Variants in FAM168A observed in about 807,000 individuals in gnomAD.
FAM168A encodes protein FAM168A.
FAM168A carries 3 observed loss-of-function variants against 28.5 expected under a neutral mutation model. The ratio of observed to expected loss-of-function variants is 0.11; its 90% CI spans 0.05 to 0.27. The LOEUF is 0.27. Among genes scored for constraint, FAM168A ranks in the 10% least tolerant of loss-of-function variants. The pLI is 1.00. For synonymous variants in FAM168A, 122 were observed against 124.2 expected (o/e 0.98, Z 0.12); for missense variants, 222 against 311.5 (o/e 0.71, Z 2.16).
At chr11:73,465,401 A>G (rs1029603358) in intron 2 of FAM168A, among the ~76,000 whole-genome samples, 1 of 152,122 alleles carries the variant, frequency 6.6e-6, no homozygotes, top group Non-Finnish European at 1.5e-5. Flanking sequence ...CCTGGTCTAT[A>G]AACAGCCCAC....
chr11:73,519,404 T>C (rs1175297375), intron 1 of FAM168A, among the ~76,000 whole-genome samples: 4 of 152,176 alleles, frequency 2.6e-5, no homozygotes, highest in Non-Finnish European at 1.5e-5. Flanking sequence ...AATTATGCAT[T>C]ACTCAGCCAC....
intron 4 of FAM168A, among the ~76,000 whole-genome samples, chr11:73,413,649 A>C (rs1190437847): frequency 6.6e-6 from 1 of 152,242 alleles, no homozygotes; most frequent in Non-Finnish European, 1.5e-5. Flanking sequence ...ATAGATCCCA[A>C]GGGATCTTAA....
Position 73,403,192 on chromosome 11 carries a change from TAAG to T in FAM168A, c.*3568_*3570del, listed in dbSNP as rs377280515. On this transcript the variant is annotated 3_prime_UTR_variant, in exon 8 of 8. Coordinates refer to ENST00000356467, the MANE Select transcript of FAM168A (RefSeq NM_015159.3). Reference sequence around the variant, plus strand: ...TATACATTTTAGGGTCATTGCCAGGTAAGAAAGAACAGCAACTGTCCTATCTCA... The same window carrying T: ...TATACATTTTAGGGTCATTGCCAGGTAAAGAACAGCAACTGTCCTATCTCA... The T allele has an allele frequency of 9.2e-5, 14 of 152,328 alleles. No individual in the cohort carries two copies. Among genetic ancestry groups the T allele is most frequent in the African/African-American group, 2.6e-4 (11 of 41,576 alleles). 9.4% of individuals were successfully genotyped at this position (152,328 alleles called of 1,614,324 possible). A position where few individuals can be genotyped will look rare whatever the true frequency, so the allele number is the denominator to read the frequency against.
intron 2 of FAM168A, among the ~76,000 whole-genome samples, chr11:73,459,258 A>AT (rs1205038853): frequency 3.3e-5 from 5 of 151,290 alleles, no homozygotes; most frequent in African/African-American, 9.7e-5. Context: ...CAATTTTTAA[A>AT]TTTTTTTTTG....
At chr11:73,529,073 G>A (rs1357016310) in intron 1 of FAM168A, among the ~76,000 whole-genome samples, 1 of 152,076 alleles carries the variant, frequency 6.6e-6, no homozygotes, top group African/African-American at 2.4e-5. Context: ...AGCTCTAACT[G>A]GCTTATTTAA....
At chr11:73,416,959 G>C (rs545114571) in intron 4 of FAM168A, among the ~76,000 whole-genome samples, 1 of 152,160 alleles carries the variant, frequency 6.6e-6, no homozygotes, top group Admixed American at 6.5e-5. Flanking sequence ...AAAAAGGTGG[G>C]GGTGGGTACA....
chr11:73,535,754 T>A (rs1276767801), intron 1 of FAM168A, among the ~76,000 whole-genome samples: 1 of 122,806 alleles, frequency 8.1e-6, no homozygotes, highest in Non-Finnish European at 1.7e-5. Flanking sequence ...GAGATGGGGG[T>A]ATCACCATGT....
chr11:73,516,152 A>G (rs1166341868), intron 1 of FAM168A, among the ~76,000 whole-genome samples: 3 of 151,972 alleles, frequency 2.0e-5, no homozygotes, highest in Non-Finnish European at 4.4e-5. Context: ...CCTCAAAGGC[A>G]TTAAGATTTC....
At chr11:73,583,193 C>T (rs992398830) in intron 1 of FAM168A, among the ~76,000 whole-genome samples, 1 of 152,172 alleles carries the variant, frequency 6.6e-6, no homozygotes, top group South Asian at 2.1e-4. Flanking sequence ...ATCCCAGCTA[C>T]TCGGGAGGCT....
chr11:73,442,116 T>C (rs1205393140), intron 2 of FAM168A, among the ~76,000 whole-genome samples: 2 of 149,990 alleles, frequency 1.3e-5, no homozygotes, highest in African/African-American at 5.0e-5. Flanking sequence ...AGTTGAGGTC[T>C]TTCTTCTTCT....
rs1191330037 is a variant in FAM168A, at chr11:73,559,319, A to G, written c.-19+38604T>C. 1.7e-4 allele frequency among the ~76,000 whole-genome samples: 26 copies of G among 152,082 alleles called. 1 individual carries two copies. Among genetic ancestry groups the G allele is most frequent in the Non-Finnish European group, 1.0e-4 (7 of 68,004 alleles). On this transcript the variant is annotated intron_variant, in intron 1 of 7. Coordinates refer to ENST00000356467, the MANE Select transcript of FAM168A (RefSeq NM_015159.3). ...TTACTCGGGAGGCTGAGGCAGGAGA[A>G]TCGCTTGAATCCAGGAGGCGGAGGA... is the stretch of plus-strand genomic sequence containing the variant.
intron 1 of FAM168A, among the ~76,000 whole-genome samples, chr11:73,576,171 A>C (rs1944171778): frequency 6.6e-6 from 1 of 152,178 alleles, no homozygotes; most frequent in African/African-American, 2.4e-5. Flanking sequence ...TTTCTTCTCC[A>C]TTCAGAAGAT....
intron 4 of FAM168A, among the ~76,000 whole-genome samples, chr11:73,414,908 A>G (rs1272078908): frequency 6.6e-6 from 1 of 152,234 alleles, no homozygotes; most frequent in African/African-American, 2.4e-5. Context: ...TAAAGTTAAC[A>G]GGCCAAAGAT....
chr11:73,529,977 G>T (rs1043558072), intron 1 of FAM168A, among the ~76,000 whole-genome samples: 3 of 151,870 alleles, frequency 2.0e-5, no homozygotes, highest in African/African-American at 7.3e-5. Context: ...AGTAGAGACA[G>T]GGTTTCACCA....
chr11:73,417,477 A>T (rs572747120), intron 4 of FAM168A, among the ~76,000 whole-genome samples: 1 of 151,628 alleles, frequency 6.6e-6, no homozygotes, highest in East Asian at 1.9e-4. Context: ...CCCTATTTTT[A>T]TATATATATA....
At chr11:73,481,130 G>A (rs992990353) in intron 1 of FAM168A, among the ~76,000 whole-genome samples, 2 of 152,018 alleles carry the variant, frequency 1.3e-5, no homozygotes, top group South Asian at 4.1e-4. Context: ...TATTGCCCAG[G>A]TTGGACTCAA....
intron 1 of FAM168A, among the ~76,000 whole-genome samples, chr11:73,500,897 T>C (rs551823637): frequency 1.1e-4 from 17 of 152,014 alleles, no homozygotes; most frequent in Non-Finnish European, 1.5e-4. Flanking sequence ...GACTGGCCAA[T>C]TGGGTAAGGA....
chr11:73,410,505 G>A (rs1866589897), intron 5 of FAM168A: 1 of 152,030 alleles, frequency 6.6e-6, no homozygotes, highest in African/African-American at 2.4e-5. Context: ...TAAGGATGAA[G>A]AAGACAGTGG....
intron 5 of FAM168A, chr11:73,410,812 C>T (rs2134481011): frequency 6.6e-6 from 1 of 152,416 alleles, no homozygotes; most frequent in South Asian, 2.1e-4. Context: ...GTGCTAGAGC[C>T]CCATATGGTC....
Sources: allele counts gnomAD v4.1 joint callset (sites outside exome capture counted in the v4.1 genomes callset), GRCh38; gene constraint gnomAD v4.1.1; transcripts MANE v1.5; gene names NCBI Gene and HGNC (gene_info 2026-07-23, HGNC 2026-07-21).